Variants in ZNF182 observed in about 807,000 individuals in gnomAD.
The protein encoded by ZNF182 is zinc finger protein 182.
In ZNF182, 10 loss-of-function variants were observed where a neutral mutation model predicts 28.1. The observed-to-expected ratio is 0.36, with a 90% CI of 0.22 to 0.60. The LOEUF (loss-of-function observed/expected upper bound fraction) is 0.60, where lower values mean the gene tolerates loss of function less well. Ranked by LOEUF, ZNF182 falls within the 20% of genes least tolerant of loss-of-function variation. The pLI, the probability that ZNF182 is intolerant of heterozygous loss-of-function variation, is 0.75. For missense variants in ZNF182, 352 were observed against 453.2 expected, an observed-to-expected ratio of 0.78 and a Z score of 2.03; for synonymous variants, 156 against 158.7, an observed-to-expected ratio of 0.98 and a Z score of 0.13.
Position 47,976,750 on chromosome X carries a change from C to T in ZNF182, c.1280G>A (p.Gly427Asp), listed in dbSNP as rs1569406545. 1 of 1,210,298 alleles carries T rather than the reference C, an allele frequency of 8.3e-7. No homozygotes were observed. The highest frequency in any genetic ancestry group is 1.1e-6 in the Non-Finnish European group (1 of 895,028). ...TCCTGAATGAGTTCTCTGATGTACA[C>T]CAAGGTTTGACTTTTGCGTGAAGGT... ...GKTFTQKSNL[G>D]VHQRTHSGEK... Residue 427 changes from glycine (G) to aspartate (D), a missense_variant, in exon 6 of 6, where the codon GGT becomes GAT. Physicochemically the swap from Gly to Asp is moderately conservative, Grantham distance 94 (BLOSUM62 -1). Coordinates refer to ENST00000376943, the MANE Select transcript of ZNF182 (RefSeq NM_001007088.2).
chrX:47,981,895 G>A, intron 5 of ZNF182, among the ~76,000 whole-genome samples: 1 of 38,242 alleles, frequency 2.6e-5, no homozygotes, highest in Non-Finnish European at 6.9e-5. Context: ...GCAAGACTCT[G>A]TCTCAAAAAA....
chrX:47,989,022 C>T (rs1556900122), intron 3 of ZNF182, among the ~76,000 whole-genome samples: 1 of 112,013 alleles, frequency 8.9e-6, no homozygotes, highest in African/African-American at 3.2e-5. Flanking sequence ...TATGTAACCT[C>T]AAAGTATCAT....
At chrX:47,985,031 A>G (rs2058919167) in intron 3 of ZNF182, among the ~76,000 whole-genome samples, 1 of 111,588 alleles carries the variant, frequency 9.0e-6, no homozygotes, top group African/African-American at 3.3e-5. Flanking sequence ...GCAGGAATGA[A>G]TATGTATGTA....
At chrX:47,994,690 A>G (rs2058952665) in intron 3 of ZNF182, among the ~76,000 whole-genome samples, 3 of 111,594 alleles carry the variant, frequency 2.7e-5, no homozygotes, top group Admixed American at 9.4e-5. Context: ...CCAGGCTGGA[A>G]TGCGGTGGTG....
rs146599865 is a variant in ZNF182 at position 47,977,466 on chromosome X, G to T, written c.564C>A (p.Gly188=). Reference sequence around the variant, plus strand: ...TAAGACCTTTCCCACACTCTTTATAGCCATAGGGCTTCATTCCAGGATTTG... The same window carrying T: ...TAAGACCTTTCCCACACTCTTTATATCCATAGGGCTTCATTCCAGGATTTG... ...EKTNPGMKPY[G]YKECGKGLRR... Residue 188 remains glycine (G), a synonymous_variant, in exon 6 of 6, where the codon GGC becomes GGA. Coordinates refer to ENST00000376943, the MANE Select transcript of ZNF182 (RefSeq NM_001007088.2). The T allele has an allele frequency of 1.5e-4, 184 of 1,210,213 alleles. No individual in the cohort carries two copies. The highest frequency in any genetic ancestry group is 1.9e-4 in the Non-Finnish European group (174 of 895,287).
chrX:47,998,964 T>A, intron 3 of ZNF182, among the ~76,000 whole-genome samples: 1 of 112,493 alleles, frequency 8.9e-6, no homozygotes, highest in Non-Finnish European at 1.9e-5. Flanking sequence ...CAATCCCATG[T>A]TTATTGCAGC....
At chrX:47,986,816 C>T (rs1057345786) in intron 3 of ZNF182, among the ~76,000 whole-genome samples, 2 of 111,947 alleles carry the variant, frequency 1.8e-5, no homozygotes, top group African/African-American at 3.2e-5. Flanking sequence ...TCTGAGCTTC[C>T]GGCCTTCATC....
At position 47,975,195 on chromosome X, in the gene ZNF182, T is replaced by C. The variant is rs1222724664; in HGVS notation, c.*972A>G. ...TTTCCAAGTTCTCCTTATTTATTCATTGTTGTCTACCCAGGAGTAGGCTGT... is the reference window on the plus strand; with the variant it reads ...TTTCCAAGTTCTCCTTATTTATTCACTGTTGTCTACCCAGGAGTAGGCTGT... On this transcript the variant is annotated 3_prime_UTR_variant, in exon 6 of 6. Coordinates refer to ENST00000376943, the MANE Select transcript of ZNF182 (RefSeq NM_001007088.2). 4 of 112,427 alleles carry C rather than the reference T, an allele frequency of 3.6e-5. No individual in the cohort carries two copies. Among genetic ancestry groups the C allele is most frequent in the African/African-American group, 9.7e-5 (3 of 30,930 alleles). The allele number at this position is 112,427 out of a possible 1,213,427, so 9.3% of individuals were successfully genotyped here.
chrX:47,988,486 T>A (rs1556900039), intron 3 of ZNF182: 1 of 460,461 alleles, frequency 2.2e-6, no homozygotes, highest in Non-Finnish European at 3.9e-6. Context: ...GGTGCCTCCC[T>A]CCCCCACTCT....
intron 5 of ZNF182, among the ~76,000 whole-genome samples, chrX:47,979,214 T>C (rs1010337614): frequency 1.8e-5 from 2 of 112,412 alleles, no homozygotes; most frequent in African/African-American, 6.5e-5. Context: ...TGATACTGAA[T>C]TTTAACATGG....
At chrX:47,978,461 T>C (rs5953132) in intron 5 of ZNF182, among the ~76,000 whole-genome samples, 39,481 of 111,295 alleles carry the variant, frequency 0.35, 5,454 homozygotes, top group Non-Finnish European at 0.44. Flanking sequence ...TGTGTTACAA[T>C]AGTTAACACT....
chrX:48,002,842 G>A (rs1325591951), intron 2 of ZNF182, among the ~76,000 whole-genome samples, 189 bp from the exon 3 acceptor site: 2 of 112,043 alleles, frequency 1.8e-5, no homozygotes, highest in African/African-American at 6.5e-5. Context: ...GAACACAAAA[G>A]GTTTTATATA....
intron 5 of ZNF182, among the ~76,000 whole-genome samples, chrX:47,978,953 G>C (rs1556898712): frequency 8.9e-6 from 1 of 112,295 alleles, no homozygotes; most frequent in African/African-American, 3.2e-5. Flanking sequence ...CAATGTCATA[G>C]GTTAACTGGT....
intron 3 of ZNF182, among the ~76,000 whole-genome samples, chrX:47,999,786 A>G (rs2058972471): frequency 1.8e-5 from 2 of 112,657 alleles, no homozygotes; most frequent in South Asian, 7.2e-4. Flanking sequence ...CATTGTAGAC[A>G]TTTACCAAAA....
At chrX:47,993,422 G>C (rs781922271) in intron 3 of ZNF182, among the ~76,000 whole-genome samples, 52 of 112,071 alleles carry the variant, frequency 4.6e-4, no homozygotes, top group Non-Finnish European at 6.8e-4. Flanking sequence ...GAGAATCTCT[G>C]AATTTGTAGT....
chrX:47,996,357 CTA>C (rs781875200), intron 3 of ZNF182, among the ~76,000 whole-genome samples: 13 of 107,859 alleles, frequency 1.2e-4, no homozygotes, highest in Non-Finnish European at 2.5e-4. Flanking sequence ...AAAAAAAAAA[CTA>C]TGTAACTCTG....
At position 47,977,292 on chromosome X, in the gene ZNF182, G is replaced by A. The variant is rs146302543; in HGVS notation, c.738C>T (p.Thr246=). The change falls in exon 6 of 6, where the codon ACC becomes ACT. Residue 246 remains threonine, a synonymous_variant. Transcript: ENST00000376943. ...THTGEKPFGC[T]ECGKAFSQKS... ...TTTGGCTAAAAGCTTTTCCACATTC[G>A]GTACATCCAAAAGGTTTCTCTCCCG... 407 of 1,203,717 alleles carry A rather than the reference G, an allele frequency of 3.4e-4. 1 individual carries two copies. Among genetic ancestry groups the A allele is most frequent in the Non-Finnish European group, 4.2e-4 (375 of 892,784 alleles).
In ZNF182 at chrX:47,998,627, C is replaced by T. The variant is rs1308975316; in HGVS notation, c.15+3968G>A. ...ATCCCAGCACTTTGGGAGGCCGAGG[C>T]GGGTGGGTCACCTGAGGTCAGTAGT... On this transcript the variant is annotated intron_variant, in intron 3 of 5. Transcript: ENST00000376943. 1.5e-4 allele frequency among the ~76,000 whole-genome samples: 17 copies of T among 112,017 alleles called. No homozygotes were observed. In the East Asian group the frequency reaches 4.8e-3, roughly 32 times the overall value.
At chrX:47,991,813 T>C (rs1259306473) in intron 3 of ZNF182, among the ~76,000 whole-genome samples, 2 of 110,749 alleles carry the variant, frequency 1.8e-5, no homozygotes, top group Non-Finnish European at 3.8e-5. Context: ...GGCCTGTGTC[T>C]CTAAACCCCC....
Sources: gnomAD v4.1 joint callset for allele counts (sites outside exome capture counted in the v4.1 genomes callset) on GRCh38, gnomAD v4.1.1 for gene constraint, MANE v1.5 for transcripts, NCBI Gene and HGNC (gene_info 2026-07-23, HGNC 2026-07-21) for gene names.